The following STPG2 variants were observed in gnomAD, a reference collection of about 807,000 sequenced individuals.
STPG2 encodes sperm tail PG-rich repeat containing 2, also known as sperm-tail PG-rich repeat-containing protein 2.
In STPG2, 56 loss-of-function variants were observed where a neutral mutation model predicts 54.2. That is an observed-to-expected ratio of 1.03 (90% CI 0.83 to 1.29). The LOEUF (loss-of-function observed/expected upper bound fraction) is 1.29. Ranked by LOEUF, STPG2 falls within the 50% of genes most tolerant of loss-of-function variation. The probability of loss-of-function intolerance (pLI) is 0.00; values close to 1 mark genes in which losing one functional copy is unlikely to be tolerated. For missense variants in STPG2, 596 were observed against 544.9 expected, an observed-to-expected ratio of 1.09 and a Z score of -0.93; for synonymous variants, 200 against 181.8, an observed-to-expected ratio of 1.10 and a Z score of -0.81.
intron 9 of STPG2, among the ~76,000 whole-genome samples, chr4:97,783,998 C>T (rs1163972621): frequency 2.7e-5 from 4 of 150,532 alleles, no homozygotes; most frequent in African/African-American, 9.8e-5. Context: ...AGCACACCAA[C>T]ATGGCACATG....
chr4:97,972,309 A>C lies in STPG2; in HGVS notation c.904T>G (p.Cys302Gly). The C allele has an allele frequency of 1.2e-6, 2 of 1,603,970 alleles. No homozygotes were observed. The highest frequency in any genetic ancestry group is 1.7e-6 in the Non-Finnish European group (2 of 1,175,390). The change falls in exon 7 of 11, where the codon TGT becomes GGT. Residue 302 changes from cysteine (C) to glycine (G), a missense_variant. By Grantham distance (159) the Cys-to-Gly change is radical (BLOSUM62 -3). Transcript: ENST00000295268. ...TAATCAGCAGGTCCAGGGGTAGCAC[A>C]AGCTTCTTTCTGAACCGAGAAGAAA... ...RTFFSVQKEACATPGPADYQE... is the reference protein window; with the variant it reads ...RTFFSVQKEAGATPGPADYQE...
chr4:97,941,836 G>T (rs1732996364), intron 8 of STPG2, among the ~76,000 whole-genome samples: 1 of 151,894 alleles, frequency 6.6e-6, no homozygotes. Context: ...TGTTTGAAGT[G>T]TATTGTCATT....
chr4:97,995,609 C>A (rs898018106), intron 5 of STPG2, among the ~76,000 whole-genome samples: 1 of 151,966 alleles, frequency 6.6e-6, no homozygotes, highest in African/African-American at 2.4e-5. Context: ...GACTAGCACA[C>A]CCTGAGTAGA....
At chr4:97,454,792 G>C (rs1245886737) in intron 4 of STPG2, among the ~76,000 whole-genome samples, 1 of 151,806 alleles carries the variant, frequency 6.6e-6, no homozygotes, top group African/African-American at 2.4e-5. Flanking sequence ...TGATATTTAT[G>C]TTGTTGTTTT....
Position 97,558,967 on chromosome 4 carries a change from C to T in STPG2, c.*91G>A. ...ACAAGTGAAAATTATGCTTTTATTA[C>T]TCCTATATTTGGAATAAATTTTGTT... is the stretch of plus-strand genomic sequence containing the variant. On this transcript the variant is annotated 3_prime_UTR_variant, in exon 11 of 11. Coordinates refer to ENST00000295268, the MANE Select transcript of STPG2 (RefSeq NM_174952.3). The T allele has an allele frequency of 9.7e-7, 1 of 1,030,940 alleles. No homozygotes were observed. Among genetic ancestry groups the T allele is most frequent in the Non-Finnish European group, 1.5e-6 (1 of 676,838 alleles). 63.9% of individuals were successfully genotyped at this position (1,030,940 alleles called of 1,614,324 possible).
chr4:97,976,136 T>C (rs1473527787), intron 6 of STPG2, among the ~76,000 whole-genome samples: 1 of 152,204 alleles, frequency 6.6e-6, no homozygotes, highest in Non-Finnish European at 1.5e-5. Context: ...CCAGTTCTAG[T>C]CTATTCCCTA....
intron 4 of STPG2, among the ~76,000 whole-genome samples, chr4:97,530,532 C>T (rs555814599): frequency 6.6e-6 from 1 of 151,508 alleles, no homozygotes; most frequent in Admixed American, 6.6e-5. Flanking sequence ...GTTTGTATTT[C>T]AAATGGATGG....
chr4:97,902,160 A>G (rs762969630), intron 8 of STPG2, among the ~76,000 whole-genome samples: 10 of 152,096 alleles, frequency 6.6e-5, no homozygotes, highest in Non-Finnish European at 1.0e-4. Flanking sequence ...TTCAAAATCA[A>G]TTAAAGACTT....
intron 9 of STPG2, among the ~76,000 whole-genome samples, chr4:97,742,557 G>GTATATA (rs1230964057): frequency 6.9e-5 from 8 of 115,820 alleles, no homozygotes; most frequent in African/African-American, 2.8e-4. Context: ...GTGTGTGTGT[G>GTATATA]TGTGTGTGTC....
At chr4:97,999,097 T>C (rs570528175) in intron 5 of STPG2, among the ~76,000 whole-genome samples, 1 of 152,220 alleles carries the variant, frequency 6.6e-6, no homozygotes, top group African/African-American at 2.4e-5. Flanking sequence ...GGGGCAATCA[T>C]GGAAAATAAC....
chr4:97,996,865 T>A (rs1735257827), intron 5 of STPG2, among the ~76,000 whole-genome samples: 1 of 151,880 alleles, frequency 6.6e-6, no homozygotes, highest in Non-Finnish European at 1.5e-5. Context: ...ATTAGAGAAA[T>A]GCAAATAAAA....
intron 9 of STPG2, among the ~76,000 whole-genome samples, chr4:97,768,330 G>C (rs1024833154): frequency 1.3e-5 from 2 of 152,102 alleles, no homozygotes; most frequent in Non-Finnish European, 2.9e-5. Context: ...GAGAAAAGGA[G>C]ACTTTATTTT....
rs144559172 is a variant in STPG2, at chr4:97,889,845, A to G, written c.1045-48913T>C. Among the ~76,000 whole-genome samples, 862 of 152,286 alleles carry G rather than the reference A, an allele frequency of 5.7e-3. 5 individuals carry two copies. The highest frequency in any genetic ancestry group is 0.02 in the Middle Eastern group (6 of 294). On this transcript the variant is annotated intron_variant, in intron 8 of 10. Transcript: ENST00000295268. ...ACAATATTTTCTCAGTACGAAAATG[A>G]TAATAATGTGAGGTACTACACATTA...
intron 5 of STPG2, among the ~76,000 whole-genome samples, chr4:98,102,573 CT>C (rs1385807104): frequency 1.3e-5 from 2 of 151,948 alleles, no homozygotes; most frequent in African/African-American, 4.8e-5. Context: ...CCTTGGGTCC[CT>C]TTGATCATCT....
intron 8 of STPG2, among the ~76,000 whole-genome samples, chr4:97,848,061 C>G (rs1024273622): frequency 3.3e-5 from 5 of 152,122 alleles, no homozygotes; most frequent in African/African-American, 1.2e-4. Context: ...ACATAAACTG[C>G]TAAAAACCCT....
At chr4:97,973,375 A>C (rs2149258092) in intron 6 of STPG2, among the ~76,000 whole-genome samples, 1 of 152,342 alleles carries the variant, frequency 6.6e-6, no homozygotes, top group Non-Finnish European at 1.5e-5. Flanking sequence ...TAAGCAGCAA[A>C]GCATTCAAGA....
At chr4:97,485,104 T>C (rs890797132) in intron 4 of STPG2, among the ~76,000 whole-genome samples, 1 of 151,862 alleles carries the variant, frequency 6.6e-6, no homozygotes, top group East Asian at 1.9e-4. Flanking sequence ...AACATAATAT[T>C]GAATGGGGAA....
intron 8 of STPG2, among the ~76,000 whole-genome samples, chr4:97,857,673 A>G (rs764802134): frequency 6.6e-6 from 1 of 151,464 alleles, no homozygotes; most frequent in Non-Finnish European, 1.5e-5. Flanking sequence ...CTGATAAAAG[A>G]AAATCACCAA....
At chr4:98,090,158 T>C (rs1001076732) in intron 5 of STPG2, among the ~76,000 whole-genome samples, 2 of 152,146 alleles carry the variant, frequency 1.3e-5, no homozygotes, top group South Asian at 4.1e-4. Context: ...TCTGATGTTA[T>C]TTCCTAGAAT....
Sources: gnomAD v4.1 joint callset for allele counts (sites outside exome capture counted in the v4.1 genomes callset) on GRCh38, gnomAD v4.1.1 for gene constraint, MANE v1.5 for transcripts, NCBI Gene and HGNC (gene_info 2026-07-23, HGNC 2026-07-21) for gene names.